FAM135B: variants seen among roughly 807,000 people sequenced by gnomAD.
FAM135B encodes the protein protein FAM135B.
In FAM135B, 43 loss-of-function variants were observed where a neutral mutation model predicts 127.7. The ratio of observed to expected loss-of-function variants is 0.34; its 90% CI spans 0.26 to 0.43. FAM135B has a LOEUF of 0.43. Among genes scored for constraint, FAM135B ranks in the 20% least tolerant of loss-of-function variants. The pLI, the probability that FAM135B is intolerant of heterozygous loss-of-function variation, is 1.00. For synonymous variants in FAM135B, 670 were observed against 665.1 expected (o/e 1.01, Z -0.11); for missense variants, 1,558 against 1,725.6 (o/e 0.90, Z 1.72).
chr8:138,176,776 C>G (rs1157246237), intron 11 of FAM135B, among the ~76,000 whole-genome samples: 2 of 152,100 alleles, frequency 1.3e-5, no homozygotes, highest in Non-Finnish European at 2.9e-5. Flanking sequence ...GGACTGTGGA[C>G]CAGAGGACAA....
intron 7 of FAM135B, among the ~76,000 whole-genome samples, chr8:138,204,086 T>C (rs1035875669): frequency 2.6e-5 from 4 of 152,192 alleles, no homozygotes; most frequent in African/African-American, 9.6e-5. Flanking sequence ...CCTCCTACTA[T>C]GCAGCCCAGT....
intron 3 of FAM135B, among the ~76,000 whole-genome samples, chr8:138,296,831 T>A (rs1007795026): frequency 1.3e-5 from 2 of 152,184 alleles, no homozygotes; most frequent in Admixed American, 1.3e-4. Flanking sequence ...TAAAATTGAT[T>A]TTTTTAATAA....
intron 3 of FAM135B, among the ~76,000 whole-genome samples, chr8:138,283,510 T>C (rs1824436207): frequency 6.6e-6 from 1 of 152,098 alleles, no homozygotes; most frequent in South Asian, 2.1e-4. Flanking sequence ...AGTGAAACTA[T>C]TCTGCATGAT....
At chr8:138,300,976 T>C (rs1825845514) in intron 3 of FAM135B, among the ~76,000 whole-genome samples, 1 of 152,120 alleles carries the variant, frequency 6.6e-6, no homozygotes, top group Non-Finnish European at 1.5e-5. Flanking sequence ...GGTCTCCATC[T>C]CTCGACTTTG....
chr8:138,341,192 T>C (rs1269998281), intron 2 of FAM135B, among the ~76,000 whole-genome samples: 1 of 152,192 alleles, frequency 6.6e-6, no homozygotes, highest in Non-Finnish European at 1.5e-5. Context: ...CTGGATAATG[T>C]GCGGCATGCC....
chr8:138,404,275 T>C (rs1358503047), intron 1 of FAM135B, among the ~76,000 whole-genome samples: 1 of 152,134 alleles, frequency 6.6e-6, no homozygotes, highest in Non-Finnish European at 1.5e-5. Context: ...TATGTTTAAT[T>C]AAAAAAATGC....
At chr8:138,488,768 G>A (rs1815088687) in intron 1 of FAM135B, among the ~76,000 whole-genome samples, 4 of 152,134 alleles carry the variant, frequency 2.6e-5, no homozygotes, top group African/African-American at 9.7e-5. Context: ...CCAGGTTCAA[G>A]CAATTTTCCT....
At chr8:138,170,217 C>CT (rs141401317) in intron 11 of FAM135B, among the ~76,000 whole-genome samples, 5,179 of 111,940 alleles carry the variant, frequency 0.046, 184 homozygotes, top group African/African-American at 0.086. Flanking sequence ...CTGTTACTAT[C>CT]TTTTTTTTTT....
chr8:138,401,318 G>A (rs1833141723), intron 1 of FAM135B, among the ~76,000 whole-genome samples: 1 of 152,100 alleles, frequency 6.6e-6, no homozygotes, highest in Non-Finnish European at 1.5e-5. Flanking sequence ...TATACTCTTT[G>A]AGAAAAGCTG....
chr8:138,177,539 G>T, intron 10 of FAM135B, 119 bp from the exon 11 acceptor site: 1 of 845,410 alleles, frequency 1.2e-6, no homozygotes, highest in Non-Finnish European at 1.8e-6. Flanking sequence ...AGAGAGCCAG[G>T]CCCCTGACCT....
intron 2 of FAM135B, chr8:138,367,195 A>G: frequency 9.1e-6 from 3 of 328,092 alleles, no homozygotes; most frequent in Non-Finnish European, 1.2e-5. Flanking sequence ...TGTTAATTGG[A>G]CACTTAATTC....
In FAM135B at chr8:138,185,597, C is replaced by A. The variant is rs988178115; in HGVS notation, c.874-6907G>T. 1.1e-4 allele frequency among the ~76,000 whole-genome samples: 17 copies of A among 152,222 alleles called. 2 individuals are homozygous for A. The highest frequency in any genetic ancestry group is 1.1e-3 in the Admixed American group (17 of 15,284). On this transcript the variant is annotated intron_variant, in intron 9 of 19. Coordinates refer to ENST00000395297, the MANE Select transcript of FAM135B (RefSeq NM_015912.4). ...GCTGCCCACAGTCAGAAGCTGCTCA[C>A]TGATGCTTAGTAACTGTACTTATCA...
chr8:138,325,284 C>T (rs754221936), intron 2 of FAM135B, among the ~76,000 whole-genome samples: 9 of 152,180 alleles, frequency 5.9e-5, no homozygotes, highest in Non-Finnish European at 8.8e-5. Context: ...TGATTGTGCA[C>T]GCCTTCAGGT....
chr8:138,194,193 G>A (rs1816413040), intron 9 of FAM135B, among the ~76,000 whole-genome samples: 1 of 152,138 alleles, frequency 6.6e-6, no homozygotes. Context: ...TGCTTGGCAT[G>A]TGTTTCCCTG....
intron 7 of FAM135B, among the ~76,000 whole-genome samples, chr8:138,233,420 G>T (rs1401633417): frequency 6.6e-6 from 1 of 152,146 alleles, no homozygotes; most frequent in Non-Finnish European, 1.5e-5. Flanking sequence ...ATGGGAAAAT[G>T]GCTGCCTCCG....
intron 2 of FAM135B, among the ~76,000 whole-genome samples, 160 bp from the exon 3 acceptor site, chr8:138,311,080 G>A (rs1826651372): frequency 6.6e-6 from 1 of 152,226 alleles, no homozygotes; most frequent in South Asian, 2.1e-4. Context: ...TTTATCAGCA[G>A]AGTTGGAGAG....
chr8:138,197,758 C>T, intron 7 of FAM135B, 89 bp from the exon 8 acceptor site: 1 of 1,421,914 alleles, frequency 7.0e-7, no homozygotes, highest in East Asian at 2.3e-5. Flanking sequence ...CCCGCACCAA[C>T]ATTCACAAAA....
At chr8:138,200,684 T>C (rs1349918715) in intron 7 of FAM135B, among the ~76,000 whole-genome samples, 4 of 152,212 alleles carry the variant, frequency 2.6e-5, no homozygotes, top group Non-Finnish European at 5.9e-5. Context: ...ACTACCCATC[T>C]ATGCTTTTGT....
chr8:138,183,002 C>T (rs866541535), intron 9 of FAM135B, among the ~76,000 whole-genome samples: 17 of 152,192 alleles, frequency 1.1e-4, no homozygotes, highest in Middle Eastern at 3.4e-3. Flanking sequence ...AGAATCCCTC[C>T]CCAACACCTT....
Sources: allele counts gnomAD v4.1 joint callset (sites outside exome capture counted in the v4.1 genomes callset), GRCh38; gene constraint gnomAD v4.1.1; transcripts MANE v1.5; gene names NCBI Gene and HGNC (gene_info 2026-07-23, HGNC 2026-07-21).